The following ST18 variants were observed in gnomAD, a reference collection of about 807,000 sequenced individuals.
ST18 encodes the protein suppression of tumorigenicity 18 protein.
Under a neutral mutation model 110.0 loss-of-function variants are expected in ST18, and 50 were observed. That is an observed-to-expected ratio of 0.45 (90% CI 0.36 to 0.58). ST18 has a LOEUF of 0.58. Ranked by LOEUF, ST18 falls within the 20% of genes least tolerant of loss-of-function variation. The pLI, the probability that ST18 is intolerant of heterozygous loss-of-function variation, is 0.00. For synonymous variants in ST18, 461 were observed against 452.4 expected (o/e 1.02, Z -0.24); for missense variants, 1,306 against 1,280.1 (o/e 1.02, Z -0.31).
At chr8:52,233,278 A>G (rs2091921535) in intron 2 of ST18, among the ~76,000 whole-genome samples, 1 of 152,112 alleles carries the variant, frequency 6.6e-6, no homozygotes, top group Non-Finnish European at 1.5e-5. Context: ...GGTGAATGCC[A>G]CTCCAATAGT....
At chr8:52,381,254 A>G (rs917017775) in intron 2 of ST18, among the ~76,000 whole-genome samples, 1 of 152,184 alleles carries the variant, frequency 6.6e-6, no homozygotes, top group East Asian at 1.9e-4. Flanking sequence ...CTTAGCTCCT[A>G]TCCAGTGAGG....
chr8:52,327,063 T>A (rs1806798607), intron 2 of ST18, among the ~76,000 whole-genome samples: 1 of 152,220 alleles, frequency 6.6e-6, no homozygotes, highest in Admixed American at 6.5e-5. Flanking sequence ...GGTCCACAGT[T>A]GCTTGCAACC....
At chr8:52,401,033 T>C (rs183781526) in intron 2 of ST18, among the ~76,000 whole-genome samples, 161 of 152,310 alleles carry the variant, frequency 1.1e-3, no homozygotes, top group African/African-American at 3.4e-3. Flanking sequence ...TTCTTAGCTT[T>C]TGCTTCTCTG....
chr8:52,268,737 G>A (rs1359361148), intron 2 of ST18, among the ~76,000 whole-genome samples: 1 of 152,146 alleles, frequency 6.6e-6, no homozygotes, highest in African/African-American at 2.4e-5. Context: ...ATACAAGAAC[G>A]CAGAGCCGAA....
intron 10 of ST18, among the ~76,000 whole-genome samples, chr8:52,169,463 G>A (rs532773480): frequency 1.3e-5 from 2 of 152,266 alleles, no homozygotes; most frequent in Admixed American, 1.3e-4. Context: ...AGTGGCAAGA[G>A]TCTAACCAAA....
intron 2 of ST18, among the ~76,000 whole-genome samples, chr8:52,261,827 C>A (rs910615068): frequency 2.0e-5 from 3 of 152,188 alleles, no homozygotes; most frequent in Non-Finnish European, 2.9e-5. Context: ...AAATGTGTCT[C>A]ATTCCAGGTC....
intron 2 of ST18, among the ~76,000 whole-genome samples, chr8:52,245,204 T>C (rs975917164): frequency 2.6e-5 from 4 of 152,184 alleles, no homozygotes; most frequent in African/African-American, 9.7e-5. Context: ...AGTGGACACA[T>C]CTTTCTATAT....
chr8:52,217,388 A>G (rs2084737547), intron 6 of ST18, among the ~76,000 whole-genome samples: 1 of 152,138 alleles, frequency 6.6e-6, no homozygotes, highest in African/African-American at 2.4e-5. Context: ...CTTTAAGAAA[A>G]AAGTTCAGTT....
chr8:52,274,353 C>A (rs751366015), intron 2 of ST18, among the ~76,000 whole-genome samples: 2 of 151,928 alleles, frequency 1.3e-5, no homozygotes, highest in African/African-American at 2.4e-5. Flanking sequence ...GACATTCACA[C>A]GTGTATATAC....
intron 2 of ST18, among the ~76,000 whole-genome samples, chr8:52,291,802 T>A (rs2095559973): frequency 6.6e-6 from 1 of 152,040 alleles, no homozygotes. Context: ...GGAGACAGGG[T>A]CTCACTTTGT....
intron 16 of ST18, among the ~76,000 whole-genome samples, chr8:52,146,684 C>T (rs978659843): frequency 2.0e-5 from 3 of 152,046 alleles, no homozygotes; most frequent in Non-Finnish European, 2.9e-5. Flanking sequence ...TGTCAATGAG[C>T]GCATTTAATA....
rs767811555 is a variant in ST18, at chr8:52,214,226, C to T, written c.32G>A (p.Arg11His). Residue 11 changes from arginine (R) to histidine (H), a missense_variant, in exon 7 of 26, where the codon CGT becomes CAT. By Grantham distance (29) the Arg-to-His change is conservative. Transcript: ENST00000689386. MDAEAEDKTL[R>H]TRSKGTEVPM... is the part of the protein sequence containing the mutation. ...ACCCTCGGTTCCTTTAGAGCGAGTA[C>T]GCAGCGTTTTATCTTCAGCCTCTGC... 2.7e-5 allele frequency: 44 copies of T among 1,613,926 alleles called. No homozygotes were observed. Among genetic ancestry groups the T allele is most frequent in the Admixed American group, 1.3e-4 (8 of 60,002 alleles).
intron 2 of ST18, among the ~76,000 whole-genome samples, chr8:52,241,063 C>T (rs967007626): frequency 2.0e-5 from 3 of 152,330 alleles, no homozygotes; most frequent in Non-Finnish European, 4.4e-5. Flanking sequence ...ATCTGGTAAT[C>T]CAAACCAGAA....
intron 8 of ST18, among the ~76,000 whole-genome samples, chr8:52,196,248 C>A (rs545015917): frequency 6.6e-6 from 1 of 152,282 alleles, no homozygotes; most frequent in African/African-American, 2.4e-5. Flanking sequence ...GTGGAGGAAC[C>A]AACCATGCCA....
intron 9 of ST18, among the ~76,000 whole-genome samples, chr8:52,176,351 A>T (rs7822609): frequency 1.3e-5 from 2 of 152,042 alleles, no homozygotes; most frequent in African/African-American, 4.8e-5. Flanking sequence ...ATGAGAAGAA[A>T]GGTGATGATC....
chr8:52,212,375 T>C (rs1313205887), intron 7 of ST18, among the ~76,000 whole-genome samples: 1 of 152,222 alleles, frequency 6.6e-6, no homozygotes, highest in Non-Finnish European at 1.5e-5. Context: ...AGAGATTCAT[T>C]GAAAATTCAC....
At chr8:52,352,188 TCTG>T (rs1257438709) in intron 2 of ST18, among the ~76,000 whole-genome samples, 1 of 152,132 alleles carries the variant, frequency 6.6e-6, no homozygotes, top group Non-Finnish European at 1.5e-5. Context: ...GTTTGCCACG[TCTG>T]CTAAGAGTGA....
At chr8:52,347,283 G>T (rs1345234891) in intron 2 of ST18, among the ~76,000 whole-genome samples, 2 of 152,162 alleles carry the variant, frequency 1.3e-5, no homozygotes, top group Non-Finnish European at 2.9e-5. Flanking sequence ...GAAAAGCTTG[G>T]TTGTGACTAC....
intron 2 of ST18, among the ~76,000 whole-genome samples, chr8:52,292,009 A>G (rs1233491969): frequency 1.3e-5 from 2 of 152,156 alleles, no homozygotes; most frequent in African/African-American, 2.4e-5. Flanking sequence ...TCCTGGATTC[A>G]AGCTGTCTGC....
Sources: allele counts gnomAD v4.1 joint callset (sites outside exome capture counted in the v4.1 genomes callset), GRCh38; gene constraint gnomAD v4.1.1; transcripts MANE v1.5; gene names NCBI Gene and HGNC (gene_info 2026-07-23, HGNC 2026-07-21).